The following ROBO2 variants were observed in gnomAD, a reference collection of about 807,000 sequenced individuals.
ROBO2 encodes roundabout homolog 2.
A neutral mutation model predicts 160.8 loss-of-function variants in ROBO2; 53 were observed. That is an observed-to-expected ratio of 0.33 (90% CI 0.26 to 0.41). The LOEUF (loss-of-function observed/expected upper bound fraction) is 0.41, where lower values mean the gene tolerates loss of function less well. ROBO2 is among the 10% of genes least tolerant of loss of function. ROBO2 has a pLI of 1.00. For missense variants in ROBO2, 1,577 were observed against 1,722.4 expected (o/e 0.92, Z 1.49); for synonymous variants, 664 against 611.7 (o/e 1.09, Z -1.26).
chr3:77,161,359 G>A (rs2078471304), intron 2 of ROBO2, among the ~76,000 whole-genome samples: 2 of 152,112 alleles, frequency 1.3e-5, no homozygotes, highest in African/African-American at 2.4e-5. Context: ...ATTTGACTAC[G>A]TACCACCAGT....
intron 2 of ROBO2, among the ~76,000 whole-genome samples, chr3:77,400,899 G>C (rs2075737269): frequency 6.6e-6 from 1 of 152,102 alleles, no homozygotes; most frequent in Non-Finnish European, 1.5e-5. Flanking sequence ...CTACAAAATT[G>C]ATCTTGTTAA....
At chr3:77,595,452 A>G (rs1171411690) in intron 18 of ROBO2, among the ~76,000 whole-genome samples, 1 of 152,174 alleles carries the variant, frequency 6.6e-6, no homozygotes, top group Non-Finnish European at 1.5e-5. Flanking sequence ...CAGGATGTTT[A>G]TTGCATTAAT....
intron 2 of ROBO2, among the ~76,000 whole-genome samples, chr3:76,275,202 C>T (rs1382177261): frequency 6.6e-6 from 1 of 152,072 alleles, no homozygotes; most frequent in Non-Finnish European, 1.5e-5. Flanking sequence ...ACATCTATCA[C>T]CTTAAGGATG....
intron 2 of ROBO2, among the ~76,000 whole-genome samples, chr3:76,065,750 T>TAC (rs2068232669): frequency 4.2e-5 from 6 of 142,504 alleles, no homozygotes; most frequent in African/African-American, 1.6e-4. Flanking sequence ...TATATATATA[T>TAC]ATACACACAC....
intron 2 of ROBO2, among the ~76,000 whole-genome samples, chr3:77,170,005 A>T (rs1254523352): frequency 6.6e-6 from 1 of 152,148 alleles, no homozygotes; most frequent in Non-Finnish European, 1.5e-5. Flanking sequence ...TCATGCTCCC[A>T]GACTGACACC....
In ROBO2 at chr3:76,085,108, T is replaced by TACAC. The variant is rs1448626428; in HGVS notation, c.109+147507_109+147508insCACA. Reference sequence around the variant, plus strand: ...ACACAAACCCCCCAGTTTACATATATATATATATACACACACACACACACA... The same window carrying TACAC: ...ACACAAACCCCCCAGTTTACATATATACACATATATATACACACACACACACACA... On this transcript the variant is annotated intron_variant, in intron 2 of 26. Transcript: ENST00000487694. Among the ~76,000 whole-genome samples, 88 of 129,238 alleles carry TACAC rather than the reference T, an allele frequency of 6.8e-4. No homozygotes were observed. The East Asian group carries it at 0.012, about 18-fold the overall frequency. 84.8% of individuals were successfully genotyped at this position (129,238 alleles called of 152,430 possible). A position where few individuals can be genotyped will look rare whatever the true frequency, so the allele number is the denominator to read the frequency against.
intron 2 of ROBO2, among the ~76,000 whole-genome samples, chr3:77,100,179 A>G (rs1008488000): frequency 6.6e-6 from 1 of 152,062 alleles, no homozygotes; most frequent in South Asian, 2.1e-4. Flanking sequence ...GTGTGTGTGT[A>G]ATGTGACAGT....
intron 2 of ROBO2, among the ~76,000 whole-genome samples, chr3:76,764,592 A>G (rs947432757): frequency 1.3e-5 from 2 of 151,676 alleles, no homozygotes; most frequent in Non-Finnish European, 3.0e-5. Flanking sequence ...TACCACTTAT[A>G]TATCTTAGGC....
At chr3:76,150,366 A>C (rs2072130676) in intron 2 of ROBO2, among the ~76,000 whole-genome samples, 1 of 151,896 alleles carries the variant, frequency 6.6e-6, no homozygotes, top group Admixed American at 6.6e-5. Flanking sequence ...TCTAAAACAC[A>C]CATCTGTCTA....
rs551887423 is a variant in ROBO2, at chr3:76,223,843, A to G, written c.109+286241A>G. Among the ~76,000 whole-genome samples, 25 of 152,304 alleles carry G rather than the reference A, an allele frequency of 1.6e-4. No homozygotes were observed. In the East Asian group the frequency reaches 2.1e-3, roughly 13 times the overall value. On this transcript the variant is annotated intron_variant, in intron 2 of 26. Coordinates refer to the ROBO2 transcript ENST00000487694. Reference sequence around the variant, plus strand: ...TGTCCAGTGACATTAGGAGCAACCAATCAGCATCATTCTATTCCTTAGTTT... The same window carrying G: ...TGTCCAGTGACATTAGGAGCAACCAGTCAGCATCATTCTATTCCTTAGTTT...
At chr3:76,714,738 A>G (rs2093352822) in intron 2 of ROBO2, among the ~76,000 whole-genome samples, 1 of 152,174 alleles carries the variant, frequency 6.6e-6, no homozygotes, top group East Asian at 1.9e-4. Flanking sequence ...AAAATAGTAC[A>G]CAAATCTATT....
chr3:76,376,271 C>G (rs1201263266), intron 2 of ROBO2, among the ~76,000 whole-genome samples: 1 of 152,044 alleles, frequency 6.6e-6, no homozygotes, highest in Admixed American at 6.6e-5. Flanking sequence ...TTCCCAGTCC[C>G]AGTGGATTCA....
chr3:76,651,846 C>T (rs1053443753), intron 2 of ROBO2, among the ~76,000 whole-genome samples: 2 of 152,116 alleles, frequency 1.3e-5, no homozygotes, highest in Admixed American at 6.6e-5. Flanking sequence ...TTGTTCTTAG[C>T]TCTCAGCTTT....
chr3:76,600,677 C>T (rs2087072702), intron 2 of ROBO2, among the ~76,000 whole-genome samples: 1 of 152,158 alleles, frequency 6.6e-6, no homozygotes. Context: ...CTGGATTCCT[C>T]CCACGACACG....
chr3:77,312,986 C>T (rs2063676214), intron 2 of ROBO2, among the ~76,000 whole-genome samples: 1 of 152,142 alleles, frequency 6.6e-6, no homozygotes, highest in Non-Finnish European at 1.5e-5. Flanking sequence ...CAAAGCTTAT[C>T]TTCATTTCTT....
intron 2 of ROBO2, among the ~76,000 whole-genome samples, chr3:76,569,367 T>C (rs1226232112): frequency 6.6e-6 from 1 of 152,174 alleles, no homozygotes; most frequent in Non-Finnish European, 1.5e-5. Flanking sequence ...TGAGTGTTTA[T>C]AAAAATATAA....
At chr3:77,526,758 A>T (rs946086279) in intron 6 of ROBO2, among the ~76,000 whole-genome samples, 1 of 151,482 alleles carries the variant, frequency 6.6e-6, no homozygotes, top group Non-Finnish European at 1.5e-5. Context: ...ACAGGAATCA[A>T]CTTGTCAGTC....
At chr3:76,249,002 G>C (rs542491759) in intron 2 of ROBO2, among the ~76,000 whole-genome samples, 1 of 152,134 alleles carries the variant, frequency 6.6e-6, no homozygotes, top group African/African-American at 2.4e-5. Flanking sequence ...CATGTATTTC[G>C]TGTTTTTTGG....
intron 1 of ROBO2, among the ~76,000 whole-genome samples, chr3:77,056,226 G>C (rs971265491): frequency 6.6e-6 from 1 of 152,136 alleles, no homozygotes; most frequent in African/African-American, 2.4e-5. Flanking sequence ...CTCTAATGTA[G>C]CTAAGACTTT....
Sources: gnomAD v4.1 joint callset for allele counts (sites outside exome capture counted in the v4.1 genomes callset) on GRCh38, gnomAD v4.1.1 for gene constraint, MANE v1.5 for transcripts, NCBI Gene and HGNC (gene_info 2026-07-23, HGNC 2026-07-21) for gene names.